The following KIF4A variants were observed in gnomAD, a reference collection of about 807,000 sequenced individuals.
KIF4A encodes the protein kinesin family member 4A, also known as chromosome-associated kinesin KIF4A.
KIF4A carries 7 observed loss-of-function variants against 105.9 expected under a neutral mutation model. The ratio of observed to expected loss-of-function variants is 0.07; its 90% CI spans 0.04 to 0.12. The LOEUF (loss-of-function observed/expected upper bound fraction) is 0.12. KIF4A is among the 10% of genes least tolerant of loss of function. The pLI is 1.00. For missense variants in KIF4A, 558 were observed against 929.2 expected, an observed-to-expected ratio of 0.60 and a Z score of 5.19; for synonymous variants, 281 against 331.3, an observed-to-expected ratio of 0.85 and a Z score of 1.65.
At chrX:70,405,529 G>A (rs1602810674) in intron 25 of KIF4A, among the ~76,000 whole-genome samples, 2 of 111,439 alleles carry the variant, frequency 1.8e-5, no homozygotes, top group Non-Finnish European at 3.8e-5. Flanking sequence ...ATCAGCATCC[G>A]AATGTGAATA....
intron 7 of KIF4A, among the ~76,000 whole-genome samples, chrX:70,319,132 G>A (rs915875098): frequency 9.0e-5 from 10 of 110,585 alleles, no homozygotes; most frequent in African/African-American, 9.9e-5. Context: ...GCGTGGTGGC[G>A]GGCGCCTGTA....
rs765340796 is a variant in KIF4A, at chrX:70,395,725, C to T, written c.2287C>T (p.His763Tyr). 1.9e-5 allele frequency: 23 copies of T among 1,211,378 alleles called. No individual in the cohort carries two copies. The East Asian group carries it at 5.6e-4, about 30-fold the overall frequency. The change falls in exon 21 of 31, where the codon CAT becomes TAT. Residue 763 changes from histidine to tyrosine, a missense_variant. Coordinates refer to ENST00000374403, the MANE Select transcript of KIF4A (RefSeq NM_012310.5). ...VMVSTEEAKR[H>Y]LNDLLEDRKI... ...GGTCAGTACTGAGGAAGCCAAACGC[C>T]ATCTGAATGACCTCCTTGAAGATAG...
In KIF4A at chrX:70,293,975, T is replaced by G. The variant is rs2085770914; in HGVS notation, c.236-3023T>G. Reference sequence around the variant, plus strand: ...TAAATTAACCTTCGCTTATTATACGTTTTTTACTTTATAAACTTTAATTTT... The same window carrying G: ...TAAATTAACCTTCGCTTATTATACGGTTTTTACTTTATAAACTTTAATTTT... On this transcript the variant is annotated intron_variant, in intron 3 of 30. Transcript: ENST00000374403. Among the ~76,000 whole-genome samples, 3 of 112,645 alleles carry G rather than the reference T, an allele frequency of 2.7e-5. No individual in the cohort carries two copies. In the Admixed American group the frequency reaches 2.8e-4, roughly 11 times the overall value.
intron 9 of KIF4A, 120 bp downstream of exon 9, chrX:70,330,452 G>T: frequency 1.6e-6 from 1 of 642,590 alleles, no homozygotes; most frequent in Non-Finnish European, 2.4e-6. Context: ...CATTATGTTT[G>T]TTCGGGGACC....
At chrX:70,326,676 T>A (rs914424654) in intron 7 of KIF4A, among the ~76,000 whole-genome samples, 1 of 112,071 alleles carries the variant, frequency 8.9e-6, no homozygotes, top group African/African-American at 3.2e-5. Flanking sequence ...GAAAACTACT[T>A]CATTTTTCTT....
chrX:70,335,320 T>C (rs1023545591), intron 10 of KIF4A, among the ~76,000 whole-genome samples: 5 of 112,370 alleles, frequency 4.4e-5, no homozygotes, highest in African/African-American at 1.6e-4. Context: ...ATTCCACTTA[T>C]GTGAGGTATC....
intron 15 of KIF4A, among the ~76,000 whole-genome samples, chrX:70,362,771 A>G (rs1411059603): frequency 9.0e-6 from 1 of 111,601 alleles, no homozygotes; most frequent in Non-Finnish European, 1.9e-5. Flanking sequence ...ACCTTAGGTT[A>G]TCTGCCCGCC....
chrX:70,409,482 G>A (rs1303930104), intron 28 of KIF4A, among the ~76,000 whole-genome samples: 2 of 111,802 alleles, frequency 1.8e-5, no homozygotes, highest in Non-Finnish European at 3.8e-5. Context: ...AGTAATAGGA[G>A]GCAGAGTTGA....
chrX:70,395,862 A>C, intron 21 of KIF4A, 36 bp downstream of exon 21: 1 of 1,204,778 alleles, frequency 8.3e-7, no homozygotes, highest in Non-Finnish European at 1.1e-6. Flanking sequence ...GCCAATAATC[A>C]GACTCTACAT....
intron 3 of KIF4A, among the ~76,000 whole-genome samples, chrX:70,293,226 C>T (rs2085767817): frequency 1.8e-5 from 2 of 112,214 alleles, no homozygotes; most frequent in African/African-American, 3.2e-5. Context: ...TAGATTAAAA[C>T]GTTGTTTCAA....
intron 27 of KIF4A, 30 bp from the exon 28 acceptor site, chrX:70,406,863 A>G (rs746131732): frequency 8.4e-7 from 1 of 1,196,792 alleles, no homozygotes; most frequent in Admixed American, 2.2e-5. Flanking sequence ...TTTATTAAAT[A>G]ACTAAACTAC....
intron 28 of KIF4A, among the ~76,000 whole-genome samples, chrX:70,412,993 G>A (rs750501341): frequency 9.0e-6 from 1 of 111,710 alleles, no homozygotes; most frequent in African/African-American, 3.2e-5. Flanking sequence ...CTTTCAGGAA[G>A]GCAACTTGAA....
At chrX:70,314,236 G>T (rs2085861373) in intron 7 of KIF4A, among the ~76,000 whole-genome samples, 1 of 112,303 alleles carries the variant, frequency 8.9e-6, no homozygotes, top group Non-Finnish European at 1.9e-5. Context: ...GTCCTCCACT[G>T]TTAGAGGGAA....
chrX:70,322,430 G>A, intron 7 of KIF4A, among the ~76,000 whole-genome samples: 1 of 109,433 alleles, frequency 9.1e-6, no homozygotes, highest in Non-Finnish European at 1.9e-5. Flanking sequence ...TCCTGCCTCA[G>A]CCTCCTGAGT....
chrX:70,326,936 G>T (rs1440574674), intron 7 of KIF4A, among the ~76,000 whole-genome samples: 1 of 112,053 alleles, frequency 8.9e-6, no homozygotes, highest in East Asian at 2.8e-4. Context: ...TATGGTTCTT[G>T]CTTGGATCAT....
rs781398464 is a variant in KIF4A at position 70,290,533 on chromosome X, C to T, written c.75C>T (p.Ser25=). Residue 25 remains serine (S), a synonymous_variant, in exon 2 of 31, where the codon AGC becomes AGT. Coordinates refer to ENST00000374403, the MANE Select transcript of KIF4A (RefSeq NM_012310.5). ...RCRPLVPKEI[S]EGCQMCLSFV... ...GCCCTCTGGTCCCCAAAGAGATTAG[C>T]GAGGGCTGCCAGATGTGCCTTTCCT... is the stretch of plus-strand genomic sequence containing the variant. 8 of 1,211,666 alleles carry T rather than the reference C, an allele frequency of 6.6e-6. No individual in the cohort carries two copies. The highest frequency in any genetic ancestry group is 8.9e-6 in the Non-Finnish European group (8 of 895,400).
chrX:70,374,100 C>T, intron 15 of KIF4A, 51 bp from the exon 16 acceptor site: 2 of 745,957 alleles, frequency 2.7e-6, no homozygotes, highest in Non-Finnish European at 4.0e-6. Flanking sequence ...AGTGATTTTT[C>T]TTCCTGTGCC....
At chrX:70,414,123 T>C (rs2086333791) in intron 28 of KIF4A, among the ~76,000 whole-genome samples, 1 of 111,777 alleles carries the variant, frequency 8.9e-6, no homozygotes, top group Non-Finnish European at 1.9e-5. Context: ...GAACAATTTC[T>C]TTCAAAACAA....
intron 15 of KIF4A, among the ~76,000 whole-genome samples, chrX:70,364,127 A>G (rs1335872553): frequency 2.7e-5 from 3 of 111,711 alleles, no homozygotes; most frequent in Admixed American, 1.9e-4. Flanking sequence ...TTCATTGTAG[A>G]TTCTGGATAT....
Sources: allele counts gnomAD v4.1 joint callset (sites outside exome capture counted in the v4.1 genomes callset), GRCh38; gene constraint gnomAD v4.1.1; transcripts MANE v1.5; gene names NCBI Gene and HGNC (gene_info 2026-07-23, HGNC 2026-07-21).